SFT2D1: variants seen among roughly 807,000 people sequenced by gnomAD.
The protein encoded by SFT2D1 is SFT2 domain containing 1, also known as vesicle transport protein SFT2A.
SFT2D1 carries 24 observed loss-of-function variants against 28.1 expected under a neutral mutation model. The ratio of observed to expected loss-of-function variants is 0.85; its 90% CI spans 0.62 to 1.20. SFT2D1 has a LOEUF of 1.20. Ranked by LOEUF, SFT2D1 falls within the 50% of genes most tolerant of loss-of-function variation. SFT2D1 has a pLI of 0.00. For synonymous variants in SFT2D1, 82 were observed against 73.7 expected (o/e 1.11, Z -0.58); for missense variants, 181 against 190.9 (o/e 0.95, Z 0.31).
chr6:166,324,673 C>A, intron 5 of SFT2D1, 78 bp from the exon 6 acceptor site: 1 of 1,349,716 alleles, frequency 7.4e-7, no homozygotes, highest in South Asian at 1.3e-5. Flanking sequence ...TAATTCTTGT[C>A]TTTCAAAAAT....
chr6:166,339,636 C>G (rs113465457), intron 1 of SFT2D1, among the ~76,000 whole-genome samples: 1 of 152,112 alleles, frequency 6.6e-6, no homozygotes, highest in East Asian at 1.9e-4. Flanking sequence ...ATAACCTCCA[C>G]GGGTAATCTG....
At chr6:166,325,960 T>A in intron 5 of SFT2D1, 172 bp downstream of exon 5, 1 of 665,006 alleles carries the variant, frequency 1.5e-6, no homozygotes, top group Non-Finnish European at 2.7e-6. Flanking sequence ...GTAGAATCTA[T>A]GGCATTTTTA....
intron 1 of SFT2D1, chr6:166,331,442 A>C (rs1310000641): frequency 6.5e-6 from 1 of 152,694 alleles, no homozygotes; most frequent in African/African-American, 2.4e-5. Flanking sequence ...AAAATAACTA[A>C]GTATTCTGTA....
chr6:166,342,024 C>T (rs1007398069), intron 1 of SFT2D1, among the ~76,000 whole-genome samples: 3 of 152,166 alleles, frequency 2.0e-5, no homozygotes, highest in African/African-American at 7.2e-5. Flanking sequence ...TTTAGGGTCT[C>T]GGCTCACTGC....
At chr6:166,328,817 T>G (rs1778498105) in intron 3 of SFT2D1, among the ~76,000 whole-genome samples, 1 of 152,162 alleles carries the variant, frequency 6.6e-6, no homozygotes, top group African/African-American at 2.4e-5. Flanking sequence ...TCTACAGTAT[T>G]CTGTTACTGC....
At chr6:166,324,749 G>T in intron 5 of SFT2D1, 154 bp from the exon 6 acceptor site, 2 of 713,012 alleles carry the variant, frequency 2.8e-6, no homozygotes, top group Non-Finnish European at 4.5e-6. Context: ...CAGTTGATCT[G>T]AAACTTTAAA....
chr6:166,324,452 A>C, intron 6 of SFT2D1, 85 bp downstream of exon 6: 1 of 1,354,574 alleles, frequency 7.4e-7, no homozygotes, highest in Non-Finnish European at 1.0e-6. Flanking sequence ...ACCAGACGAA[A>C]TGCTAGGGCT....
chr6:166,325,064 T>C (rs1778418686), intron 5 of SFT2D1, among the ~76,000 whole-genome samples: 1 of 152,238 alleles, frequency 6.6e-6, no homozygotes, highest in South Asian at 2.1e-4. Context: ...ACAGTTTCCA[T>C]GGTTGTTTTA....
At chr6:166,335,779 C>G (rs533733511) in intron 1 of SFT2D1, among the ~76,000 whole-genome samples, 1 of 152,210 alleles carries the variant, frequency 6.6e-6, no homozygotes, top group East Asian at 1.9e-4. Flanking sequence ...AAAGTTTAGC[C>G]GGAAAGGAGA....
At chr6:166,332,348 A>G (rs1778567342) in intron 1 of SFT2D1, among the ~76,000 whole-genome samples, 1 of 152,132 alleles carries the variant, frequency 6.6e-6, no homozygotes, top group South Asian at 2.1e-4. Context: ...TCCGCCTCCC[A>G]GGTTCAAGTG....
chr6:166,341,088 A>T (rs929573453), intron 1 of SFT2D1, among the ~76,000 whole-genome samples: 1 of 152,204 alleles, frequency 6.6e-6, no homozygotes, highest in African/African-American at 2.4e-5. Context: ...CCTACTGAAC[A>T]TGTGAAATGT....
intron 1 of SFT2D1, chr6:166,335,044 G>A (rs141508406): frequency 9.5e-6 from 5 of 525,646 alleles, no homozygotes; most frequent in East Asian, 4.6e-5. Flanking sequence ...CAACCACGAC[G>A]CTGTGGACAA....
intron 1 of SFT2D1, chr6:166,335,226 T>A: frequency 1.7e-6 from 1 of 602,336 alleles, no homozygotes; most frequent in Non-Finnish European, 3.1e-6. Context: ...ACTTCGGTCA[T>A]GGAGGAAATT....
Position 166,328,448 on chromosome 6 carries a change from G to A in SFT2D1, c.234-91C>T, listed in dbSNP as rs1778492200. On this transcript the variant is annotated intron_variant, in intron 3 of 7. Coordinates refer to ENST00000361731, the MANE Select transcript of SFT2D1 (RefSeq NM_145169.3). ...ACTACTTTTTTAAAAAAGAAGCCCTGTTGCTTTATTTAATTAAAATCTCTC... is the reference window on the plus strand; with the variant it reads ...ACTACTTTTTTAAAAAAGAAGCCCTATTGCTTTATTTAATTAAAATCTCTC... 4.2e-6 allele frequency: 3 copies of A among 716,354 alleles called. No homozygotes were observed. The East Asian group carries it at 9.8e-5, about 23-fold the overall frequency. The allele number at this position is 716,354 out of a possible 1,614,324, so 44.4% of individuals were successfully genotyped here. A position where few individuals can be genotyped will look rare whatever the true frequency, so the allele number is the denominator to read the frequency against.
chr6:166,332,811 T>C (rs11752886), intron 1 of SFT2D1, among the ~76,000 whole-genome samples: 32,465 of 152,226 alleles, frequency 0.21, 3,702 homozygotes, highest in East Asian at 0.34. Flanking sequence ...TGCTTGCAAC[T>C]AGAACTTCAT....
chr6:166,333,355 C>T (rs1462004039), intron 1 of SFT2D1, among the ~76,000 whole-genome samples: 1 of 152,152 alleles, frequency 6.6e-6, no homozygotes, highest in Non-Finnish European at 1.5e-5. Context: ...CCCCTGATCT[C>T]CACTGGCCTT....
At chr6:166,323,872 G>A (rs1224894452) in intron 6 of SFT2D1, 1 of 152,152 alleles carries the variant, frequency 6.6e-6, no homozygotes, top group African/African-American at 2.4e-5. Flanking sequence ...TGGGCATGGT[G>A]CCTCACATTT....
chr6:166,322,709 A>AAAAAAAAAAAAAAAAAAAAAGT, intron 7 of SFT2D1, 148 bp downstream of exon 7: 1 of 684,008 alleles, frequency 1.5e-6, no homozygotes, highest in African/African-American at 1.9e-5. Context: ...AAAAAAAAAA[A>AAAAAAAAAAAAAAAAAAAAAGT]AAGTATGTTT....
intron 5 of SFT2D1, 99 bp from the exon 6 acceptor site, chr6:166,324,694 G>A: frequency 3.8e-6 from 4 of 1,061,692 alleles, no homozygotes; most frequent in Non-Finnish European, 5.4e-6. Flanking sequence ...GTAGATGATG[G>A]CTTCATTTAT....
Sources: allele counts gnomAD v4.1 joint callset (sites outside exome capture counted in the v4.1 genomes callset), GRCh38; gene constraint gnomAD v4.1.1; transcripts MANE v1.5; gene names NCBI Gene and HGNC (gene_info 2026-07-23, HGNC 2026-07-21).